CNTN5: variants seen among roughly 807,000 people sequenced by gnomAD.
CNTN5 encodes the protein contactin-5.
CNTN5 carries 77 observed loss-of-function variants against 129.1 expected under a neutral mutation model. The ratio of observed to expected loss-of-function variants is 0.60; its 90% CI spans 0.50 to 0.72. CNTN5 has a LOEUF of 0.72. Among genes scored for constraint, CNTN5 ranks in the 30% least tolerant of loss-of-function variants. The pLI is 0.00. For missense variants in CNTN5, 1,478 were observed against 1,328.8 expected (o/e 1.11, Z -1.75); for synonymous variants, 509 against 465.6 (o/e 1.09, Z -1.20).
intron 2 of CNTN5, among the ~76,000 whole-genome samples, chr11:99,426,827 A>T (rs11530588): frequency 0.18 from 27,940 of 152,086 alleles, 2,657 homozygotes; most frequent in Middle Eastern, 0.23. Flanking sequence ...AGGCTACTGT[A>T]AGTGTTTATG....
intron 6 of CNTN5, among the ~76,000 whole-genome samples, chr11:99,912,923 T>C (rs1949699035): frequency 6.6e-6 from 1 of 152,088 alleles, no homozygotes; most frequent in African/African-American, 2.4e-5. Flanking sequence ...AGTCTTCGTA[T>C]TGTGATTTTT....
At chr11:99,712,114 G>T (rs61675771) in intron 3 of CNTN5, among the ~76,000 whole-genome samples, 7,738 of 151,914 alleles carry the variant, frequency 0.051, 281 homozygotes, top group East Asian at 0.19. Context: ...TAAAGCGTTC[G>T]TATTTCTCCA....
chr11:99,648,575 C>T (rs997470038), intron 3 of CNTN5, among the ~76,000 whole-genome samples: 1 of 151,604 alleles, frequency 6.6e-6, no homozygotes, highest in Admixed American at 6.6e-5. Context: ...GGATATTTAT[C>T]CAAAAGAAGT....
intron 7 of CNTN5, among the ~76,000 whole-genome samples, chr11:99,942,688 C>A (rs1950466915): frequency 6.6e-6 from 1 of 152,010 alleles, no homozygotes; most frequent in South Asian, 2.1e-4. Flanking sequence ...TCCTCCACAA[C>A]CCCGACAGGC....
intron 5 of CNTN5, 53 bp downstream of exon 5, chr11:99,845,028 T>C: frequency 6.2e-7 from 1 of 1,609,286 alleles, no homozygotes; most frequent in Non-Finnish European, 8.5e-7. Context: ...TTTCCATCAA[T>C]GATATTCTGA....
At chr11:99,765,159 G>A (rs886546463) in intron 3 of CNTN5, among the ~76,000 whole-genome samples, 2 of 151,908 alleles carry the variant, frequency 1.3e-5, no homozygotes, top group African/African-American at 4.8e-5. Flanking sequence ...AAGAAACTGA[G>A]CCTGAGTCCA....
At chr11:99,415,060 A>ACG (rs1942586956) in intron 2 of CNTN5, among the ~76,000 whole-genome samples, 1 of 308 alleles carries the variant, frequency 3.2e-3, no homozygotes, top group Non-Finnish European at 7.6e-3. Context: ...GCATGCTAAA[A>ACG]CACACTCTTT....
intron 3 of CNTN5, among the ~76,000 whole-genome samples, chr11:99,609,444 C>A (rs10790841): frequency 0.14 from 20,710 of 152,042 alleles, 1,564 homozygotes; most frequent in East Asian, 0.26. Flanking sequence ...TGTCTAGGTT[C>A]TTTTTCTTTT....
intron 9 of CNTN5, among the ~76,000 whole-genome samples, chr11:100,011,192 G>A (rs1338619262): frequency 6.6e-6 from 1 of 152,028 alleles, no homozygotes; most frequent in Non-Finnish European, 1.5e-5. Flanking sequence ...ATTTACATTA[G>A]CTATAGTTTT....
chr11:100,001,866 A>C (rs1202701046), intron 8 of CNTN5, among the ~76,000 whole-genome samples, 168 bp from the exon 9 acceptor site: 2 of 152,206 alleles, frequency 1.3e-5, no homozygotes, highest in African/African-American at 4.8e-5. Flanking sequence ...ATTTCATCAA[A>C]ATGATAGAGC....
chr11:100,047,746 C>G (rs1942758475), intron 9 of CNTN5, among the ~76,000 whole-genome samples: 1 of 152,116 alleles, frequency 6.6e-6, no homozygotes, highest in African/African-American at 2.4e-5. Context: ...AAGAGATTGT[C>G]ACTTGAATCA....
At chr11:99,598,424 T>TACTC (rs1950211007) in intron 3 of CNTN5, among the ~76,000 whole-genome samples, 1 of 108,164 alleles carries the variant, frequency 9.2e-6, no homozygotes, top group Non-Finnish European at 1.8e-5. Context: ...CTCCCTTCCT[T>TACTC]CCTCCCTCCC....
At chr11:99,995,863 T>C (rs939407886) in intron 8 of CNTN5, among the ~76,000 whole-genome samples, 1 of 152,160 alleles carries the variant, frequency 6.6e-6, no homozygotes, top group Non-Finnish European at 1.5e-5. Flanking sequence ...CATTGTTTTC[T>C]AATAGGTGAA....
chr11:99,893,531 A>C (rs1949120321), intron 6 of CNTN5, among the ~76,000 whole-genome samples: 1 of 152,224 alleles, frequency 6.6e-6, no homozygotes, highest in Middle Eastern at 3.2e-3. Flanking sequence ...GATTTCAGAC[A>C]CAGAAAGCAC....
At chr11:100,133,841 A>T (rs541263819) in intron 13 of CNTN5, among the ~76,000 whole-genome samples, 1 of 152,282 alleles carries the variant, frequency 6.6e-6, no homozygotes, top group South Asian at 2.1e-4. Flanking sequence ...TTAAAAATTG[A>T]ACACTACAAT....
chr11:100,302,110 T>C (rs930880619), intron 20 of CNTN5, among the ~76,000 whole-genome samples: 9 of 151,618 alleles, frequency 5.9e-5, no homozygotes, highest in African/African-American at 2.2e-4. Flanking sequence ...CTAACATAGA[T>C]AGCAATAATA....
intron 3 of CNTN5, among the ~76,000 whole-genome samples, chr11:99,680,654 T>A (rs1250870256): frequency 3.3e-5 from 5 of 151,768 alleles, no homozygotes; most frequent in African/African-American, 4.9e-5. Context: ...TTACACAACA[T>A]CCATTCCATG....
chr11:99,588,606 T>A (rs143541198), intron 3 of CNTN5, among the ~76,000 whole-genome samples: 1 of 152,294 alleles, frequency 6.6e-6, no homozygotes, highest in African/African-American at 2.4e-5. Flanking sequence ...CATTCCACCC[T>A]CTGTGGGGTG....
At chr11:99,966,040 G>C (rs957523506) in intron 8 of CNTN5, among the ~76,000 whole-genome samples, 1 of 152,120 alleles carries the variant, frequency 6.6e-6, no homozygotes, top group African/African-American at 2.4e-5. Flanking sequence ...GCATTACAAT[G>C]AATGTTTCTG....
Sources: gnomAD v4.1 joint callset for allele counts (sites outside exome capture counted in the v4.1 genomes callset) on GRCh38, gnomAD v4.1.1 for gene constraint, MANE v1.5 for transcripts, NCBI Gene and HGNC (gene_info 2026-07-23, HGNC 2026-07-21) for gene names.